BRINP3: variants seen among roughly 807,000 people sequenced by gnomAD.
The protein encoded by BRINP3 is BMP/retinoic acid inducible neural specific 3.
A neutral mutation model predicts 71.0 loss-of-function variants in BRINP3; 19 were observed. The observed-to-expected ratio is 0.27, with a 90% CI of 0.19 to 0.39. BRINP3 has a LOEUF of 0.39. Among genes scored for constraint, BRINP3 ranks in the 10% least tolerant of loss-of-function variants. The pLI, the probability that BRINP3 is intolerant of heterozygous loss-of-function variation, is 1.00. For synonymous variants in BRINP3, 380 were observed against 337.7 expected (o/e 1.13, Z -1.37); for missense variants, 959 against 940.8 (o/e 1.02, Z -0.25).
chr1:190,150,232 CCATTTTAATGAGTTGGTATA>C (rs1558010408), intron 7 of BRINP3, among the ~76,000 whole-genome samples: 6 of 151,234 alleles, frequency 4.0e-5, no homozygotes, highest in Admixed American at 2.6e-4. Context: ...TGTGCATATG[CCATTTTAATGAGTTGGTATA>C]TATGTGCATA....
At position 190,204,455 on chromosome 1, in the gene BRINP3, A is replaced by AGGT. The variant is rs200433440; in HGVS notation, c.961+21626_961+21627insACC. 2.1e-4 allele frequency among the ~76,000 whole-genome samples: 32 copies of AGGT among 151,384 alleles called. No individual in the cohort carries two copies. In the East Asian group the frequency reaches 5.7e-3, roughly 27 times the overall value. On this transcript the variant is annotated intron_variant, in intron 6 of 7. Coordinates refer to ENST00000367462, the MANE Select transcript of BRINP3 (RefSeq NM_199051.3). ...AAATATATTAAAAACTAGATGGAAA[A>AGGT]ACTAGGATTCATTATGTGTAGCTTC...
chr1:190,294,262 CTTTT>C (rs3076717), intron 2 of BRINP3, among the ~76,000 whole-genome samples: 2 of 141,180 alleles, frequency 1.4e-5, no homozygotes, highest in East Asian at 2.1e-4. Flanking sequence ...CTCAAAATAC[CTTTT>C]TTTTTTTTTT....
intron 2 of BRINP3, chr1:190,342,614 CAT>C (rs1475170062): frequency 6.6e-6 from 1 of 151,484 alleles, no homozygotes; most frequent in African/African-American, 2.4e-5. Flanking sequence ...CTTCCTCTCT[CAT>C]GAGGGCTACT....
At chr1:190,364,909 G>A (rs1212860791) in intron 2 of BRINP3, among the ~76,000 whole-genome samples, 6 of 151,924 alleles carry the variant, frequency 3.9e-5, no homozygotes, top group Admixed American at 1.3e-4. Flanking sequence ...GAATTAATTC[G>A]CCTCTGTATA....
At chr1:190,440,989 A>C (rs898834790) in intron 2 of BRINP3, among the ~76,000 whole-genome samples, 1 of 151,986 alleles carries the variant, frequency 6.6e-6, no homozygotes, top group Non-Finnish European at 1.5e-5. Flanking sequence ...AAGTTAGATT[A>C]AAAGAAAAAA....
chr1:190,250,381 G>A (rs1325524258), intron 4 of BRINP3, among the ~76,000 whole-genome samples: 1 of 151,930 alleles, frequency 6.6e-6, no homozygotes, highest in African/African-American at 2.4e-5. Flanking sequence ...TGTTAAGGGG[G>A]AAAATATGAT....
intron 2 of BRINP3, among the ~76,000 whole-genome samples, chr1:190,311,410 G>C (rs1056990065): frequency 2.0e-5 from 3 of 151,556 alleles, no homozygotes; most frequent in African/African-American, 7.3e-5. Context: ...AAGGCAGAAT[G>C]TAAGGAGATA....
intron 2 of BRINP3, among the ~76,000 whole-genome samples, chr1:190,320,689 A>ACACT (rs1398955938): frequency 3.3e-5 from 5 of 151,864 alleles, no homozygotes; most frequent in African/African-American, 1.2e-4. Context: ...ACACACACAC[A>ACACT]CACTCACTCA....
intron 2 of BRINP3, among the ~76,000 whole-genome samples, chr1:190,432,517 C>T (rs1052319928): frequency 6.6e-6 from 1 of 152,286 alleles, no homozygotes; most frequent in Middle Eastern, 3.4e-3. Context: ...TTTCCATCCT[C>T]TAAGGCACCA....
At chr1:190,134,463 A>T (rs1371359786) in intron 7 of BRINP3, among the ~76,000 whole-genome samples, 2 of 150,492 alleles carry the variant, frequency 1.3e-5, no homozygotes, top group African/African-American at 2.5e-5. Context: ...CAAAATAAAC[A>T]TCATAACTGC....
At chr1:190,256,526 A>G (rs1164740792) in intron 4 of BRINP3, among the ~76,000 whole-genome samples, 2 of 152,256 alleles carry the variant, frequency 1.3e-5, no homozygotes, top group East Asian at 3.9e-4. Flanking sequence ...TGATCTTTTC[A>G]TTATGATGTT....
chr1:190,341,841 T>G (rs1667678137), intron 2 of BRINP3, among the ~76,000 whole-genome samples: 1 of 152,012 alleles, frequency 6.6e-6, no homozygotes, highest in Admixed American at 6.6e-5. Context: ...TGCAGTGTAT[T>G]TGTTTCCTGT....
chr1:190,165,471 T>C lies in BRINP3; in HGVS notation c.962-4581A>G, dbSNP rs199994120. Among the ~76,000 whole-genome samples, 19 of 104,332 alleles carry C rather than the reference T, an allele frequency of 1.8e-4. No individual in the cohort carries two copies. The East Asian group carries it at 5.4e-3, about 29-fold the overall frequency. 68.4% of individuals were successfully genotyped at this position (104,332 alleles called of 152,430 possible). ...TTTTTTTTTTTTTTTTGTGTGTGTG[T>C]GTGTGTGTGTGTGTGTGTGTGTGTT... On this transcript the variant is annotated intron_variant, in intron 6 of 7. Transcript: ENST00000367462.
intron 5 of BRINP3, among the ~76,000 whole-genome samples, chr1:190,234,091 T>G (rs1186639878): frequency 4.6e-5 from 7 of 152,082 alleles, no homozygotes; most frequent in Non-Finnish European, 7.4e-5. Flanking sequence ...TGCTACATAA[T>G]GACACAATGA....
At chr1:190,125,554 A>G (rs2102333123) in intron 7 of BRINP3, among the ~76,000 whole-genome samples, 1 of 152,050 alleles carries the variant, frequency 6.6e-6, no homozygotes, top group Middle Eastern at 3.4e-3. Flanking sequence ...TATGTAATTG[A>G]TTTTCTGCAT....
At chr1:190,434,090 A>G (rs1401647425) in intron 2 of BRINP3, among the ~76,000 whole-genome samples, 1 of 151,548 alleles carries the variant, frequency 6.6e-6, no homozygotes, top group East Asian at 1.9e-4. Context: ...AGTTTCACCT[A>G]AAGAAATGGT....
At chr1:190,288,616 T>G (rs1272841587) in intron 2 of BRINP3, among the ~76,000 whole-genome samples, 1 of 151,942 alleles carries the variant, frequency 6.6e-6, no homozygotes, top group Non-Finnish European at 1.5e-5. Flanking sequence ...AGGAGACATT[T>G]TGAAGTAAAA....
intron 4 of BRINP3, among the ~76,000 whole-genome samples, chr1:190,253,484 G>A (rs71618053): frequency 2.3e-4 from 35 of 152,242 alleles, no homozygotes; most frequent in Non-Finnish European, 4.6e-4. Context: ...GTATGAAATG[G>A]TATCTCAATG....
intron 2 of BRINP3, among the ~76,000 whole-genome samples, chr1:190,346,383 G>T (rs1405984215): frequency 6.6e-6 from 1 of 152,034 alleles, no homozygotes; most frequent in East Asian, 1.9e-4. Context: ...TATATAGTTA[G>T]TTGTATGCAA....
Sources: allele counts gnomAD v4.1 joint callset (sites outside exome capture counted in the v4.1 genomes callset), GRCh38; gene constraint gnomAD v4.1.1; transcripts MANE v1.5; gene names NCBI Gene and HGNC (gene_info 2026-07-23, HGNC 2026-07-21).